The following PCDHGA4 variants were observed in gnomAD, a reference collection of about 807,000 sequenced individuals.
PCDHGA4 encodes the protein protocadherin gamma-A4.
PCDHGA4 carries 38 observed loss-of-function variants against 54.6 expected under a neutral mutation model. The ratio of observed to expected loss-of-function variants is 0.70; its 90% confidence interval spans 0.54 to 0.91. The LOEUF (loss-of-function observed/expected upper bound fraction) is 0.91. PCDHGA4 is among the 40% of genes least tolerant of loss of function. The pLI is 0.00. For missense variants in PCDHGA4, 1,298 were observed against 1,220.9 expected, an observed-to-expected ratio of 1.06 and a Z score of -0.94; for synonymous variants, 511 against 512.9, an observed-to-expected ratio of 1.00 and a Z score of 0.05.
At chr5:141,405,575 G>C in intron 1 of PCDHGA4, 1 of 598,040 alleles carries the variant, frequency 1.7e-6, no homozygotes. Flanking sequence ...GAGTAGAGTA[G>C]CTGGGACTAC....
chr5:141,434,010 T>C (rs772136259), intron 1 of PCDHGA4, among the ~76,000 whole-genome samples: 26 of 152,224 alleles, frequency 1.7e-4, no homozygotes, highest in Non-Finnish European at 3.1e-4. Flanking sequence ...TATATGTTTG[T>C]TTCTATGATT....
At chr5:141,400,638 T>A in intron 1 of PCDHGA4, 1 of 1,325,472 alleles carries the variant, frequency 7.5e-7, no homozygotes, top group Non-Finnish European at 1.1e-6. Flanking sequence ...TCAGAGCTGC[T>A]CAGAAAGCTG....
At chr5:141,425,047 A>G (rs1590618154) in intron 1 of PCDHGA4, among the ~76,000 whole-genome samples, 1 of 152,198 alleles carries the variant, frequency 6.6e-6, no homozygotes, top group Non-Finnish European at 1.5e-5. Context: ...TAAACTGACT[A>G]TCTAGGGCTC....
rs778960850 is a variant in PCDHGA4, at chr5:141,389,261, G to A, written c.2514+31640G>A. 2.0e-5 allele frequency: 32 copies of A among 1,613,890 alleles called. No homozygotes were observed. The East Asian group carries it at 7.1e-4, about 36-fold the overall frequency. ...CACAGTCTTCCTATATAGTCCACGT[G>A]GCCGAGAACAACCCGCCTGGAGCCT... On this transcript the variant is annotated intron_variant, in intron 1 of 3. Coordinates refer to ENST00000571252, the MANE Select transcript of PCDHGA4 (RefSeq NM_018917.4).
intron 1 of PCDHGA4, chr5:141,415,846 G>A: frequency 3.2e-6 from 4 of 1,240,536 alleles, no homozygotes; most frequent in Non-Finnish European, 4.2e-6. Flanking sequence ...TAGCTTTGCA[G>A]AACCTTGTAG....
chr5:141,393,098 C>G (rs1172367083), intron 1 of PCDHGA4: 1 of 1,613,610 alleles, frequency 6.2e-7, no homozygotes, highest in African/African-American at 1.3e-5. Flanking sequence ...GGGAGGAGCT[C>G]TGCGCTCAGA....
chr5:141,415,041 G>T, intron 1 of PCDHGA4: 1 of 1,613,530 alleles, frequency 6.2e-7, no homozygotes, highest in Non-Finnish European at 8.5e-7. Flanking sequence ...GACTCTTCGC[G>T]GTGGGGGAGC....
At chr5:141,376,284 G>T (rs1393856164) in intron 1 of PCDHGA4, 12 of 1,614,102 alleles carry the variant, frequency 7.4e-6, no homozygotes, top group Non-Finnish European at 1.0e-5. Flanking sequence ...GGCTTAGCGA[G>T]CATGCCCGGC....
chr5:141,418,804 T>A, intron 1 of PCDHGA4: 2 of 1,613,836 alleles, frequency 1.2e-6, no homozygotes, highest in Non-Finnish European at 1.7e-6. Flanking sequence ...TAGAAAGATA[T>A]ACGATAAACA....
intron 1 of PCDHGA4, among the ~76,000 whole-genome samples, chr5:141,425,997 A>T (rs1365887915): frequency 6.6e-6 from 1 of 152,174 alleles, no homozygotes; most frequent in African/African-American, 2.4e-5. Context: ...GAATTAGCAA[A>T]GGCTTCCGGC....
intron 1 of PCDHGA4, chr5:141,422,614 C>T (rs1207238896): frequency 6.2e-7 from 1 of 1,613,812 alleles, no homozygotes; most frequent in South Asian, 1.1e-5. Flanking sequence ...TGCCTACATT[C>T]CCGAAAACAA....
intron 1 of PCDHGA4, chr5:141,372,329 T>G (rs374029933): frequency 2.5e-6 from 4 of 1,613,738 alleles, no homozygotes; most frequent in Non-Finnish European, 2.5e-6. Context: ...TGCTGGTCAC[T>G]GTGCGTGATG....
At chr5:141,389,328 A>G (rs2091708257) in intron 1 of PCDHGA4, 2 of 1,613,854 alleles carry the variant, frequency 1.2e-6, no homozygotes, top group African/African-American at 2.7e-5. Context: ...CTTGGGGCCC[A>G]ACGGCCAAGT....
In PCDHGA4 at chr5:141,417,676, C is replaced by G. The variant is rs902104404; in HGVS notation, c.2514+60055C>G. The G allele has an allele frequency of 1.7e-5, 17 of 993,450 alleles. No individual in the cohort carries two copies. The African/African-American group carries it at 2.8e-4, about 16-fold the overall frequency. The allele number at this position is 993,450 out of a possible 1,614,324, so 61.5% of individuals were successfully genotyped here. ...AGCCTGGGATTCCCTGCGCAGCCAACAACAGAAAAGAAAACCAGCTCCCAC... is the reference window on the plus strand; with the variant it reads ...AGCCTGGGATTCCCTGCGCAGCCAAGAACAGAAAAGAAAACCAGCTCCCAC... On this transcript the variant is annotated intron_variant, in intron 1 of 3. Transcript: ENST00000571252.
intron 1 of PCDHGA4, chr5:141,415,740 G>GTGT: frequency 1.6e-6 from 1 of 617,992 alleles, no homozygotes; most frequent in Non-Finnish European, 2.1e-6. Context: ...GTTTATTAAG[G>GTGT]TTTTTTTTTT....
rs999687684 is a variant in PCDHGA4, at chr5:141,431,598, C to T, written c.2515-63209C>T. 1 of 1,614,192 alleles carries T rather than the reference C, an allele frequency of 6.2e-7. No homozygotes were observed. The highest frequency in any genetic ancestry group is 8.5e-7 in the Non-Finnish European group (1 of 1,180,046). ...GGAGTCAATGCGGAAGTGAGGTATT[C>T]CTTCCGGTATGTGGACGACAAGGCG... is the stretch of plus-strand genomic sequence containing the variant. On this transcript the variant is annotated intron_variant, in intron 1 of 3. Coordinates refer to ENST00000571252, the MANE Select transcript of PCDHGA4 (RefSeq NM_018917.4). This position sits in a 1 kb window ranked among gnomAD's most constrained non-coding sequence, Gnocchi z 4.8.
intron 1 of PCDHGA4, among the ~76,000 whole-genome samples, chr5:141,462,941 G>A (rs1667222225): frequency 6.6e-6 from 1 of 152,158 alleles, no homozygotes; most frequent in Non-Finnish European, 1.5e-5. Flanking sequence ...TTCAAGGCTT[G>A]TTTTTAAGCT....
Position 141,430,614 on chromosome 5 carries a change from T to C in PCDHGA4, c.2515-64193T>C, listed in dbSNP as rs1030314096. 7.3e-6 allele frequency: 5 copies of C among 680,636 alleles called. No individual in the cohort carries two copies. In the African/African-American group the frequency reaches 7.4e-5, roughly 10 times the overall value. 42.2% of individuals were successfully genotyped at this position (680,636 alleles called of 1,614,324 possible). ...GCACGCGCCTGAAGCACAAAGCAGA[T>C]AGCTAGGAATGAACCATCCCTGGGA... On this transcript the variant is annotated intron_variant, in intron 1 of 3. Transcript: ENST00000571252.
chr5:141,366,222 C>T (rs760253419), intron 1 of PCDHGA4: 4 of 1,613,804 alleles, frequency 2.5e-6, no homozygotes, highest in Non-Finnish European at 3.4e-6. Context: ...ACAGCGCGAG[C>T]CCTGCTGGAC....
Sources: gnomAD v4.1 joint callset for allele counts (sites outside exome capture counted in the v4.1 genomes callset) on GRCh38, gnomAD v4.1.1 for gene constraint, Gnocchi (gnomAD v3.1) non-coding constraint, MANE v1.5 for transcripts, NCBI Gene and HGNC (gene_info 2026-07-23, HGNC 2026-07-21) for gene names.